The following CIMIP7 variants were observed in gnomAD, a reference collection of about 807,000 sequenced individuals.
CIMIP7 encodes uncharacterized protein C3orf84.
the CIMIP7 span, among the ~76,000 whole-genome samples, chr3:49,188,249 G>A: frequency 6.6e-6 from 1 of 152,206 alleles, no homozygotes; most frequent in African/African-American, 2.4e-5. Flanking sequence ...TCAGGACCCT[G>A]GTCTCAGCCT....
At chr3:49,177,970 G>A in the CIMIP7 span, 28 of 1,613,484 alleles carry the variant, frequency 1.7e-5, no homozygotes, top group Non-Finnish European at 2.3e-5. Context: ...CTCACAGGGT[G>A]CCCAGCGCAG....
the CIMIP7 span, among the ~76,000 whole-genome samples, chr3:49,182,955 C>T: frequency 6.6e-5 from 10 of 152,328 alleles, no homozygotes; most frequent in Middle Eastern, 6.8e-3. Flanking sequence ...TCACGCTGGC[C>T]GGCAAGTACA....
the CIMIP7 span, chr3:49,178,404 C>T: frequency 1.4e-5 from 19 of 1,351,908 alleles, no homozygotes; most frequent in Non-Finnish European, 1.9e-5. Context: ...TCATCCCCTC[C>T]ACCCTACCAT....
chr3:49,189,821 G>A, the CIMIP7 span: 1 of 724,140 alleles, frequency 1.4e-6, no homozygotes, highest in African/African-American at 1.7e-5. Flanking sequence ...AGAAGGGGCA[G>A]TGAGCAATAT....
chr3:49,186,149 CA>C, the CIMIP7 span, among the ~76,000 whole-genome samples: 2 of 150,184 alleles, frequency 1.3e-5, no homozygotes, highest in African/African-American at 4.9e-5. Context: ...TACAGGCATG[CA>C]CCACCACCCT....
chr3:49,186,094 G>A, the CIMIP7 span, among the ~76,000 whole-genome samples: 4 of 150,166 alleles, frequency 2.7e-5, no homozygotes, highest in African/African-American at 4.9e-5. Context: ...TCCGCCTCCC[G>A]GGTTCGAGCA....
the CIMIP7 span, chr3:49,190,197 C>G: frequency 8.1e-7 from 1 of 1,241,446 alleles, no homozygotes; most frequent in Non-Finnish European, 1.1e-6. Context: ...GGATCCTAGA[C>G]CTCAGGGCCC....
chr3:49,185,199 T>TTCA, the CIMIP7 span, among the ~76,000 whole-genome samples: 1 of 149,566 alleles, frequency 6.7e-6, no homozygotes. Context: ...AGGCAGAGGT[T>TTCA]GTGGTGAGCC....
chr3:49,189,624 C>A, the CIMIP7 span, among the ~76,000 whole-genome samples: 1 of 152,226 alleles, frequency 6.6e-6, no homozygotes, highest in Admixed American at 6.5e-5. Flanking sequence ...CCAGAGGAGG[C>A]CTCCTACTAA....
the CIMIP7 span, among the ~76,000 whole-genome samples, chr3:49,185,710 A>T: frequency 6.7e-6 from 1 of 149,254 alleles, no homozygotes; most frequent in Non-Finnish European, 1.5e-5. Flanking sequence ...TTTTTCCCCG[A>T]GACGGAGTCT....
At chr3:49,178,110 C>G in the CIMIP7 span, 1 of 1,449,800 alleles carries the variant, frequency 6.9e-7, no homozygotes, top group East Asian at 2.4e-5. Context: ...CTTCTTGGGC[C>G]CCTCCTAACC....
the CIMIP7 span, among the ~76,000 whole-genome samples, chr3:49,189,363 G>C: frequency 1.3e-5 from 2 of 151,828 alleles, no homozygotes; most frequent in African/African-American, 4.8e-5. Flanking sequence ...CACCTGCCCT[G>C]GCCTCCCAAA....
At chr3:49,191,497 G>C in the CIMIP7 span, among the ~76,000 whole-genome samples, 2 of 152,170 alleles carry the variant, frequency 1.3e-5, no homozygotes, top group African/African-American at 2.4e-5. Flanking sequence ...TAAATGGGGT[G>C]GCTAGAGGAC....
the CIMIP7 span, among the ~76,000 whole-genome samples, chr3:49,182,039 C>T: frequency 3.9e-5 from 6 of 152,244 alleles, no homozygotes; most frequent in African/African-American, 7.2e-5. Context: ...GTTGTTCGTT[C>T]CTCCGGGTGG....
chr3:49,190,598 T>C, the CIMIP7 span, among the ~76,000 whole-genome samples: 1 of 148,974 alleles, frequency 6.7e-6, no homozygotes, highest in African/African-American at 2.5e-5. Context: ...CGGGTTCAAG[T>C]CATTCTCCTG....
chr3:49,181,636 G>C, the CIMIP7 span, among the ~76,000 whole-genome samples: 1 of 152,194 alleles, frequency 6.6e-6, no homozygotes, highest in African/African-American at 2.4e-5. Flanking sequence ...CCAAGCTACA[G>C]ACTGGGAGAA....
the CIMIP7 span, among the ~76,000 whole-genome samples, chr3:49,178,830 G>C: frequency 6.6e-6 from 1 of 152,108 alleles, no homozygotes; most frequent in African/African-American, 2.4e-5. Context: ...GGGAGCAGTG[G>C]CCAAGTTTCA....
the CIMIP7 span, among the ~76,000 whole-genome samples, chr3:49,183,012 C>G: frequency 2.5e-4 from 38 of 152,252 alleles, 1 homozygote; most frequent in Admixed American, 1.8e-3. Context: ...CATACCTCCC[C>G]GCGAGCTGAG....
the CIMIP7 span, chr3:49,177,657 T>C: frequency 1.3e-6 from 2 of 1,595,114 alleles, no homozygotes; most frequent in Middle Eastern, 1.7e-4. Flanking sequence ...TGTTTAATGC[T>C]CTGGACCAGT....
Sources: allele counts gnomAD v4.1 joint callset (sites outside exome capture counted in the v4.1 genomes callset), GRCh38; gene constraint gnomAD v4.1.1; transcripts MANE v1.5; gene names NCBI Gene and HGNC (gene_info 2026-07-23, HGNC 2026-07-21).